The following TXNDC9 variants were observed in gnomAD, a reference collection of about 807,000 sequenced individuals.
The protein encoded by TXNDC9 is thioredoxin domain containing 9, also known as thioredoxin domain-containing protein 9.
A neutral mutation model predicts 23.0 loss-of-function variants in TXNDC9; 7 were observed. That is an observed-to-expected ratio of 0.30 (90% confidence interval 0.17 to 0.57). The LOEUF is 0.57. Among genes scored for constraint, TXNDC9 ranks in the 20% least tolerant of loss-of-function variants. The pLI is 0.90. For synonymous variants in TXNDC9, 72 were observed against 90.6 expected (o/e 0.79, Z 1.17); for missense variants, 198 against 252.6 (o/e 0.78, Z 1.47).
chr2:99,335,596 G>A (rs2094237169), intron 1 of TXNDC9, among the ~76,000 whole-genome samples: 1 of 152,158 alleles, frequency 6.6e-6, no homozygotes, highest in Non-Finnish European at 1.5e-5. Flanking sequence ...AAAAATGTCA[G>A]TAGGACTGTG....
At chr2:99,321,737 T>C in intron 4 of TXNDC9, 2 of 527,286 alleles carry the variant, frequency 3.8e-6, no homozygotes, top group Non-Finnish European at 3.2e-6. Context: ...AGACTCAGTT[T>C]TACCTATTAA....
chr2:99,321,372 G>A (rs1260264594), intron 4 of TXNDC9: 1 of 152,214 alleles, frequency 6.6e-6, no homozygotes, highest in African/African-American at 2.4e-5. Flanking sequence ...GTCTGAAGAA[G>A]TGGACAAAGA....
chr2:99,332,960 A>G (rs1341477740), intron 2 of TXNDC9, 62 bp downstream of exon 2: 2 of 1,280,852 alleles, frequency 1.6e-6, no homozygotes, highest in South Asian at 2.5e-5. Context: ...CAGCACATGT[A>G]TATATAAGTT....
the TXNDC9 span, among the ~76,000 whole-genome samples, chr2:99,309,308 A>T: frequency 6.6e-6 from 1 of 151,950 alleles, no homozygotes; most frequent in African/African-American, 2.4e-5. Context: ...AGGCAGGTCG[A>T]GGGTGGAGTG....
At position 99,322,820 on chromosome 2, in the gene TXNDC9, G is replaced by C. The variant is rs564979372; in HGVS notation, c.309-611C>G. 29 of 955,552 alleles carry C rather than the reference G, an allele frequency of 3.0e-5. 1 individual carries two copies. In the South Asian group the frequency reaches 7.9e-4, roughly 26 times the overall value. 59.2% of individuals were successfully genotyped at this position (955,552 alleles called of 1,614,324 possible). A position where few individuals can be genotyped will look rare whatever the true frequency, so the allele number is the denominator to read the frequency against. On this transcript the variant is annotated intron_variant, in intron 3 of 4. Coordinates refer to ENST00000264255, the MANE Select transcript of TXNDC9 (RefSeq NM_005783.4). ...CCTGTCCCCCAGGCTGGAGTGCAGT[G>C]GCACAAGCTCGGCTCACTGCAAGCT...
intron 2 of TXNDC9, 24 bp downstream of exon 2, chr2:99,332,998 C>T (rs2094229609): frequency 1.3e-6 from 2 of 1,592,188 alleles, no homozygotes; most frequent in East Asian, 4.5e-5. Flanking sequence ...ATAGCAATTT[C>T]AGAAAGCAGG....
At chr2:99,313,779 T>C in the TXNDC9 span, among the ~76,000 whole-genome samples, 7 of 152,228 alleles carry the variant, frequency 4.6e-5, no homozygotes, top group Non-Finnish European at 1.0e-4. Context: ...TAGCCTGCCA[T>C]TGACAGTTTA....
chr2:99,333,171 G>C lies in TXNDC9; in HGVS notation c.40C>G (p.Leu14Val), dbSNP rs775938244. Residue 14 changes from leucine (L) to valine (V), a missense_variant, in exon 2 of 5, where the codon CTG (leucine) becomes GTG (valine). Physicochemically the swap from Leu to Val is conservative, Grantham distance 32. Transcript: ENST00000264255. ...DASVDMFSKVLEHQLLQTTKL... is the reference protein window; with the variant it reads ...DASVDMFSKVVEHQLLQTTKL... Reference sequence around the variant, plus strand: ...GTAGTCTGAAGCAGCTGATGCTCCAGGACTTTGGAAAACATGTCAACAGAT... The same window carrying C: ...GTAGTCTGAAGCAGCTGATGCTCCACGACTTTGGAAAACATGTCAACAGAT... 2.4e-5 allele frequency: 39 copies of C among 1,614,012 alleles called. No individual in the cohort carries two copies. The highest frequency in any genetic ancestry group is 3.3e-5 in the Non-Finnish European group (39 of 1,180,026).
intron 2 of TXNDC9, among the ~76,000 whole-genome samples, chr2:99,328,706 T>C (rs2094218380): frequency 6.6e-6 from 1 of 152,064 alleles, no homozygotes; most frequent in Non-Finnish European, 1.5e-5. Context: ...CTGGGTGCAG[T>C]GGCTGATGCC....
chr2:99,336,027 G>A lies in TXNDC9; in HGVS notation c.-33+212C>T, dbSNP rs558078835. Among the ~76,000 whole-genome samples the A allele has an allele frequency of 4.6e-5, 7 of 152,322 alleles. No individual in the cohort carries two copies. The East Asian group carries it at 5.8e-4, about 13-fold the overall frequency. ...CCAGGTACCTCCCCAATGGCAAGCC[G>A]GCCACTCCCTGCGCCCGGGGAAACA... On this transcript the variant is annotated intron_variant, in intron 1 of 4. Coordinates refer to ENST00000264255, the MANE Select transcript of TXNDC9 (RefSeq NM_005783.4).
chr2:99,318,277 C>T (rs2094194135), downstream of TXNDC9, among the ~76,000 whole-genome samples: 2 of 152,152 alleles, frequency 1.3e-5, no homozygotes, highest in Non-Finnish European at 2.9e-5. Context: ...CTCCCCAGAT[C>T]CAACGTATTT....
intron 4 of TXNDC9, chr2:99,321,687 A>G (rs922229389): frequency 2.9e-6 from 1 of 341,908 alleles, no homozygotes; most frequent in African/African-American, 2.1e-5. Context: ...TGTCAATAGT[A>G]TACGTTAAGC....
chr2:99,327,437 C>A, intron 3 of TXNDC9, 98 bp downstream of exon 3: 4 of 870,654 alleles, frequency 4.6e-6, no homozygotes, highest in Non-Finnish European at 7.3e-6. Context: ...GAAGTTTTTT[C>A]TTTTAGTTTT....
chr2:99,309,632 G>A, the TXNDC9 span, among the ~76,000 whole-genome samples: 1 of 152,138 alleles, frequency 6.6e-6, no homozygotes, highest in Non-Finnish European at 1.5e-5. Context: ...TCAGGAGTTC[G>A]AGACCAGCCT....
intron 1 of TXNDC9, 117 bp downstream of exon 1, chr2:99,336,122 G>C: frequency 5.6e-6 from 5 of 893,312 alleles, no homozygotes; most frequent in Middle Eastern, 5.7e-4. Flanking sequence ...GCCTCTGCCA[G>C]GACACCGACA....
At chr2:99,322,658 C>T (rs746850021) in intron 3 of TXNDC9, 54 of 1,538,484 alleles carry the variant, frequency 3.5e-5, no homozygotes, top group South Asian at 1.1e-4. Flanking sequence ...AAATATGCAA[C>T]GCTGTCAGTA....
the TXNDC9 span, among the ~76,000 whole-genome samples, chr2:99,312,049 C>G: frequency 6.6e-6 from 1 of 151,692 alleles, no homozygotes; most frequent in Non-Finnish European, 1.5e-5. Context: ...GCTCAGGCCC[C>G]TCAGAGAAGG....
the TXNDC9 span, among the ~76,000 whole-genome samples, chr2:99,310,925 G>T: frequency 2.0e-5 from 3 of 152,148 alleles, no homozygotes; most frequent in Non-Finnish European, 4.4e-5. Flanking sequence ...TCTTTTCTCC[G>T]TTCCTTCCTG....
At chr2:99,336,122 G>GGACACC in intron 1 of TXNDC9, 117 bp downstream of exon 1, 2 of 893,312 alleles carry the variant, frequency 2.2e-6, no homozygotes, top group Non-Finnish European at 2.7e-6. Context: ...GCCTCTGCCA[G>GGACACC]GACACCGACA....
Sources: gnomAD v4.1 joint callset for allele counts (sites outside exome capture counted in the v4.1 genomes callset) on GRCh38, gnomAD v4.1.1 for gene constraint, MANE v1.5 for transcripts, NCBI Gene and HGNC (gene_info 2026-07-23, HGNC 2026-07-21) for gene names.